The following PACS2 variants were observed in gnomAD, a reference collection of about 807,000 sequenced individuals.
PACS2 encodes the protein phosphofurin acidic cluster sorting protein 2.
Under a neutral mutation model 113.0 loss-of-function variants are expected in PACS2, and 36 were observed. The observed-to-expected ratio is 0.32, with a 90% CI of 0.24 to 0.42. The LOEUF is 0.42. Among genes scored for constraint, PACS2 ranks in the 10% least tolerant of loss-of-function variants. PACS2 has a pLI of 1.00. For missense variants in PACS2, 1,015 were observed against 1,239.5 expected, an observed-to-expected ratio of 0.82 and a Z score of 2.72; for synonymous variants, 589 against 536.1, an observed-to-expected ratio of 1.10 and a Z score of -1.36.
In PACS2 at chr14:105,382,515, C is replaced by T. The variant is rs782533763; in HGVS notation, c.1452C>T (p.Ile484=). The T allele has an allele frequency of 5.0e-6, 8 of 1,612,922 alleles. No individual in the cohort carries two copies. Among genetic ancestry groups the T allele is most frequent in the South Asian group, 1.1e-5 (1 of 91,060 alleles). Residue 484 remains isoleucine (I), a synonymous_variant, in exon 14 of 25, where the codon ATC becomes ATT. Coordinates refer to ENST00000447393, the MANE Select transcript of PACS2 (RefSeq NM_001100913.3). ...CTGTGTATGACCAGCTCAACCACAT[C>T]CTCATCTCCGATGACCAGCTTCCCG... ...RKTVYDQLNH[I]LISDDQLPEN...
chr14:105,362,009 G>A (rs1555406585), intron 4 of PACS2, among the ~76,000 whole-genome samples: 1 of 152,056 alleles, frequency 6.6e-6, no homozygotes, highest in East Asian at 1.9e-4. Context: ...TAAAGTCCCA[G>A]CTACTCGGGA....
Position 105,357,692 on chromosome 14 carries a change from G to A in PACS2, c.423+2515G>A, listed in dbSNP as rs797035657. ...GCGGGACAGCCCCGAGGGCACAGACGGACACAGGTGGCAGAGGTGGGGGGC... is the reference window on the plus strand; with the variant it reads ...GCGGGACAGCCCCGAGGGCACAGACAGACACAGGTGGCAGAGGTGGGGGGC... On this transcript the variant is annotated intron_variant, in intron 4 of 24. Coordinates refer to ENST00000447393, the MANE Select transcript of PACS2 (RefSeq NM_001100913.3). The surrounding 1 kb of genome is among the most constrained non-coding windows in gnomAD (Gnocchi z 5.1). Among the ~76,000 whole-genome samples the A allele has an allele frequency of 2.6e-5, 4 of 152,292 alleles. No individual in the cohort carries two copies. Among genetic ancestry groups the A allele is most frequent in the East Asian group, 1.9e-4 (1 of 5,162 alleles).
In PACS2 at chr14:105,368,069, C is replaced by T. The variant is rs782238667; in HGVS notation, c.587-5C>T. 4.7e-5 allele frequency: 75 copies of T among 1,600,216 alleles called. 1 individual carries two copies. The South Asian group carries it at 6.2e-4, about 13-fold the overall frequency. On this transcript the variant is annotated splice_region_variant and splice_polypyrimidine_tract_variant and intron_variant, in intron 5 of 24. Coordinates refer to ENST00000447393, the MANE Select transcript of PACS2 (RefSeq NM_001100913.3). ...CACCCTCCCTTCTGTCTGTTCATTC[C>T]GCAGATAACTACTCCGAGGAGGAGT...
chr14:105,312,337 A>G (rs141198402), upstream of PACS2, among the ~76,000 whole-genome samples: 48 of 152,300 alleles, frequency 3.2e-4, 1 homozygote, highest in African/African-American at 1.1e-3. Flanking sequence ...CTTCTTAAAT[A>G]ATAATAACTC....
chr14:105,342,368 G>A (rs1433241949), intron 1 of PACS2, among the ~76,000 whole-genome samples: 2 of 151,902 alleles, frequency 1.3e-5, no homozygotes, highest in African/African-American at 4.8e-5. Flanking sequence ...CCTGGGCTCA[G>A]GTGATCCTCC....
chr14:105,393,969 C>T (rs113471025), intron 24 of PACS2, among the ~76,000 whole-genome samples: 3 of 140,972 alleles, frequency 2.1e-5, no homozygotes, highest in African/African-American at 5.5e-5. Context: ...ACCCGGGTGG[C>T]GGAGCTTGCA....
At position 105,392,920 on chromosome 14, in the gene PACS2, A is replaced by T; in HGVS notation, c.2482+75A>T. On this transcript the variant is annotated intron_variant, in intron 23 of 24. Coordinates refer to ENST00000447393, the MANE Select transcript of PACS2 (RefSeq NM_001100913.3). ...TGGGAGAGGGCGGCTCGCAGTCAAC[A>T]GGGATGACAGCCCCCGGGCTGGCCT... 9 of 1,198,222 alleles carry T rather than the reference A, an allele frequency of 7.5e-6. No homozygotes were observed. In the East Asian group the frequency reaches 2.1e-4, roughly 28 times the overall value. The allele number at this position is 1,198,222 out of a possible 1,614,324, so 74.2% of individuals were successfully genotyped here.
intron 2 of PACS2, among the ~76,000 whole-genome samples, chr14:105,350,786 C>T (rs587688697): frequency 2.4e-4 from 36 of 152,324 alleles, no homozygotes; most frequent in Non-Finnish European, 4.4e-4. Flanking sequence ...AGGGACCCGA[C>T]GCAGAGCACA....
Position 105,325,169 on chromosome 14 carries a change from C to CGG in PACS2, c.119+10140_119+10141dup, listed in dbSNP as rs200750791. ...AGGGCACCGTCGTAGGGTGGTGGGA[C>CGG]GGGGGGGGGCTCGGACACAGTGGTT... On this transcript the variant is annotated intron_variant, in intron 1 of 24. Transcript: ENST00000447393. Among the ~76,000 whole-genome samples, 329 of 41,898 alleles carry CGG rather than the reference C, an allele frequency of 7.9e-3. 1 individual carries two copies. Among genetic ancestry groups the CGG allele is most frequent in the African/African-American group, 0.015 (311 of 20,168 alleles). The allele number at this position is 41,898 out of a possible 152,430, so 27.5% of individuals were successfully genotyped here.
chr14:105,328,202 G>T (rs1858117898), intron 1 of PACS2, among the ~76,000 whole-genome samples: 1 of 152,220 alleles, frequency 6.6e-6, no homozygotes, highest in Non-Finnish European at 1.5e-5. Flanking sequence ...GTTCTTAAAG[G>T]ACACATGGCT....
At chr14:105,328,465 G>A (rs1366249545) in intron 1 of PACS2, among the ~76,000 whole-genome samples, 3 of 152,212 alleles carry the variant, frequency 2.0e-5, no homozygotes, top group South Asian at 2.1e-4. Context: ...CGCTCCAGCC[G>A]CTGGGCCCAG....
In PACS2 at chr14:105,395,689, T is replaced by G. The variant is rs587679514; in HGVS notation, c.*1017T>G. 1.3e-5 allele frequency: 2 copies of G among 152,370 alleles called. No homozygotes were observed. The highest frequency in any genetic ancestry group is 2.9e-5 in the Non-Finnish European group (2 of 68,158). 9.4% of individuals were successfully genotyped at this position (152,370 alleles called of 1,614,324 possible). A position where few individuals can be genotyped will look rare whatever the true frequency, so the allele number is the denominator to read the frequency against. The stretch of plus-strand genomic sequence containing the variant: ...GGCCTGACCAGCGGGGCCGGCACTT[T>G]GGAGCCGTGGGTGCAGCCAGGTACC... On this transcript the variant is annotated 3_prime_UTR_variant, in exon 25 of 25. Coordinates refer to ENST00000447393, the MANE Select transcript of PACS2 (RefSeq NM_001100913.3).
chr14:105,367,048 AC>A (rs2060965756), intron 4 of PACS2, among the ~76,000 whole-genome samples, 164 bp from the exon 5 acceptor site: 2 of 151,986 alleles, frequency 1.3e-5, no homozygotes, highest in Non-Finnish European at 2.9e-5. Flanking sequence ...CCCAGTGGCC[AC>A]GTTTCCTGTC....
intron 1 of PACS2, among the ~76,000 whole-genome samples, chr14:105,342,465 C>T (rs1189675800): frequency 6.6e-6 from 1 of 151,808 alleles, no homozygotes; most frequent in African/African-American, 2.4e-5. Flanking sequence ...GACAGGGTTT[C>T]GCCATGTTGG....
chr14:105,340,739 C>T lies in PACS2; in HGVS notation c.120-7754C>T, dbSNP rs1555401405. 6.6e-6 allele frequency among the ~76,000 whole-genome samples: 1 copy of T among 152,218 alleles called. No homozygotes were observed. The highest frequency in any genetic ancestry group is 2.4e-5 in the African/African-American group (1 of 41,462). ...GGCTGGCTGAGCTGGTGCTTCCTGC[C>T]ACCTGTGTAGTGGTGCAGGTGTCCA... On this transcript the variant is annotated intron_variant, in intron 1 of 24. Coordinates refer to ENST00000447393, the MANE Select transcript of PACS2 (RefSeq NM_001100913.3). The surrounding 1 kb of genome is among the most constrained non-coding windows in gnomAD (Gnocchi z 4.2).
In PACS2 at chr14:105,348,398, G is replaced by A; in HGVS notation, c.120-95G>A. The stretch of plus-strand genomic sequence containing the variant: ...CACACCCCGCCCTGCACCCCAGGGT[G>A]CAGGCTCCCGGGGTGACACAGTGCT... On this transcript the variant is annotated intron_variant, in intron 1 of 24. Coordinates refer to ENST00000447393, the MANE Select transcript of PACS2 (RefSeq NM_001100913.3). The surrounding 1 kb of genome is among the most constrained non-coding windows in gnomAD (Gnocchi z 6.4). 1 of 931,000 alleles carries A rather than the reference G, an allele frequency of 1.1e-6. No individual in the cohort carries two copies. The highest frequency in any genetic ancestry group is 2.4e-5 in the East Asian group (1 of 40,994). The allele number at this position is 931,000 out of a possible 1,614,324, so 57.7% of individuals were successfully genotyped here.
At chr14:105,385,136 TG>T (rs782009706) in intron 18 of PACS2, 149 bp downstream of exon 18, 9 of 631,158 alleles carry the variant, frequency 1.4e-5, no homozygotes, top group Non-Finnish European at 2.3e-5. Context: ...TGGGCAGCTC[TG>T]GGCCTCCCTG....
intron 1 of PACS2, among the ~76,000 whole-genome samples, chr14:105,305,101 G>A (rs988756850): frequency 6.6e-6 from 1 of 152,096 alleles, no homozygotes; most frequent in Non-Finnish European, 1.5e-5. Flanking sequence ...CGGGATTAAT[G>A]CCCTCAGAAA....
chr14:105,393,516 AAAG>A, intron 24 of PACS2, 181 bp downstream of exon 24: 1 of 478,306 alleles, frequency 2.1e-6, no homozygotes, highest in Admixed American at 4.2e-5. Context: ...AAATGCTGAG[AAAG>A]AATTTTTTTT....
Sources: gnomAD v4.1 joint callset for allele counts (sites outside exome capture counted in the v4.1 genomes callset) on GRCh38, gnomAD v4.1.1 for gene constraint, Gnocchi (gnomAD v3.1) non-coding constraint, MANE v1.5 for transcripts, NCBI Gene and HGNC (gene_info 2026-07-23, HGNC 2026-07-21) for gene names.